PTPRJ: variants seen among roughly 807,000 people sequenced by gnomAD.
The protein encoded by PTPRJ is protein tyrosine phosphatase receptor type J, also known as receptor-type tyrosine-protein phosphatase eta.
A neutral mutation model predicts 141.3 loss-of-function variants in PTPRJ; 129 were observed. The observed-to-expected ratio is 0.91, with a 90% CI of 0.79 to 1.06. The LOEUF (loss-of-function observed/expected upper bound fraction) is 1.06. PTPRJ is among the 50% of genes least tolerant of loss of function. The pLI is 0.00. For missense variants in PTPRJ, 1,601 were observed against 1,679.7 expected, an observed-to-expected ratio of 0.95 and a Z score of 0.82; for synonymous variants, 610 against 640.5, an observed-to-expected ratio of 0.95 and a Z score of 0.72.
In PTPRJ at chr11:48,123,696, G is replaced by A. The variant is rs1285995741; in HGVS notation, c.700G>A (p.Ala234Thr). 28 of 1,614,044 alleles carry A rather than the reference G, an allele frequency of 1.7e-5. No homozygotes were observed. Among genetic ancestry groups the A allele is most frequent in the Non-Finnish European group, 2.2e-5 (26 of 1,180,022 alleles). ...CTCCTGGAGCAATGGCAATGGCACT[G>A]CCTCCTGCCGGGTTCTTCTTGAAAG... ...ALSWSNGNGTASCRVLLESIG... is the reference protein window; with the variant it reads ...ALSWSNGNGTTSCRVLLESIG... Residue 234 changes from alanine to threonine, a missense_variant, in exon 5 of 25, where the codon GCC becomes ACC. Coordinates refer to ENST00000418331, the MANE Select transcript of PTPRJ (RefSeq NM_002843.4).
intron 1 of PTPRJ, among the ~76,000 whole-genome samples, chr11:48,061,735 T>C (rs1308552503): frequency 6.6e-6 from 1 of 152,078 alleles, no homozygotes; most frequent in African/African-American, 2.4e-5. Context: ...GGCTGCCTGC[T>C]TCAGGAGGAC....
chr11:48,036,782 T>TCAGAA (rs1854135734), intron 1 of PTPRJ, among the ~76,000 whole-genome samples: 1 of 152,244 alleles, frequency 6.6e-6, no homozygotes, highest in African/African-American at 2.4e-5. Context: ...AGTTCTCCTG[T>TCAGAA]CTTTTTTACC....
chr11:48,042,239 A>C (rs767354414), intron 1 of PTPRJ, among the ~76,000 whole-genome samples: 8 of 152,142 alleles, frequency 5.3e-5, no homozygotes, highest in Non-Finnish European at 8.8e-5. Context: ...TGGTCATATG[A>C]ATTTTATTTG....
intron 1 of PTPRJ, among the ~76,000 whole-genome samples, chr11:48,029,506 C>T (rs1853924216): frequency 6.6e-6 from 1 of 152,202 alleles, no homozygotes; most frequent in African/African-American, 2.4e-5. Context: ...TTAACCTCTT[C>T]AAACCCGCAT....
chr11:47,980,909 G>T lies in PTPRJ; in HGVS notation c.-4G>T. Reference sequence around the variant, plus strand: ...TCCGGGGCACGTTCCAGGGCGCGCGGGGCATGAAGCCGGCGGCGCGGGAGG... The same window carrying T: ...TCCGGGGCACGTTCCAGGGCGCGCGTGGCATGAAGCCGGCGGCGCGGGAGG... On this transcript the variant is annotated 5_prime_UTR_variant, in exon 1 of 25. Transcript: ENST00000418331. 1.7e-6 allele frequency: 2 copies of T among 1,161,418 alleles called. No homozygotes were observed. Among genetic ancestry groups the T allele is most frequent in the Non-Finnish European group, 2.1e-6 (2 of 943,498 alleles). 71.9% of individuals were successfully genotyped at this position (1,161,418 alleles called of 1,614,324 possible).
At position 48,163,518 on chromosome 11, in the gene PTPRJ, G is replaced by C. The variant is rs1446837173; in HGVS notation, c.3619G>C (p.Gly1207Arg). 6.2e-7 allele frequency: 1 copy of C among 1,613,908 alleles called. No individual in the cohort carries two copies. Among genetic ancestry groups the C allele is most frequent in the Admixed American group, 1.7e-5 (1 of 60,014 alleles). Residue 1207 changes from glycine to arginine, a missense_variant, in exon 23 of 25, where the codon GGT becomes CGT. Physicochemically the swap from Gly to Arg is moderately radical, Grantham distance 125. Transcript: ENST00000418331. ...CCATTTCACCTCCTGGCCAGACCAC[G>C]GTGTTCCCGACACCACTGACCTGCT... ...QFHFTSWPDH[G>R]VPDTTDLLIN...
intron 3 of PTPRJ, among the ~76,000 whole-genome samples, chr11:48,115,760 G>A (rs1316241725): frequency 6.6e-6 from 1 of 152,182 alleles, no homozygotes; most frequent in Non-Finnish European, 1.5e-5. Flanking sequence ...ATAAAAAGAT[G>A]TAAATGGTGA....
intron 1 of PTPRJ, among the ~76,000 whole-genome samples, chr11:47,982,061 C>T (rs1397356289): frequency 6.6e-6 from 1 of 151,488 alleles, no homozygotes; most frequent in Non-Finnish European, 1.5e-5. Flanking sequence ...ACTTCTCCAG[C>T]GCGAATACAG....
rs1450867413 is a variant in PTPRJ at position 48,159,979 on chromosome 11, A to G, written c.3488A>G (p.Asp1163Gly). Residue 1163 changes from aspartate to glycine, a missense_variant, in exon 22 of 25, where the codon GAC (aspartate) becomes GGC (glycine). By Grantham distance (94) the Asp-to-Gly change is moderately conservative. Coordinates refer to ENST00000418331, the MANE Select transcript of PTPRJ (RefSeq NM_002843.4). The part of the protein sequence containing the change: ...WPSKQAQDYG[D>G]ITVAMTSEIV... ...TCCAAGCAGGCTCAGGACTATGGAG[A>G]CATAACTGTGGCAATGACATCAGAA... The G allele has an allele frequency of 6.2e-7, 1 of 1,613,966 alleles. No homozygotes were observed. Among genetic ancestry groups the G allele is most frequent in the South Asian group, 1.1e-5 (1 of 91,076 alleles).
intron 1 of PTPRJ, among the ~76,000 whole-genome samples, chr11:48,070,424 G>C (rs10769310): frequency 0.65 from 98,017 of 151,134 alleles, 33,813 homozygotes; most frequent in East Asian, 0.81. Flanking sequence ...CTGCTGGAAC[G>C]CAGGAGGCGG....
chr11:48,070,151 T>C (rs993129602), intron 1 of PTPRJ, among the ~76,000 whole-genome samples: 7 of 152,308 alleles, frequency 4.6e-5, no homozygotes, highest in Non-Finnish European at 7.4e-5. Flanking sequence ...ATTTAGGGGC[T>C]ACCTGTATGG....
chr11:48,058,142 C>A (rs1315485869), intron 1 of PTPRJ, among the ~76,000 whole-genome samples: 1 of 152,114 alleles, frequency 6.6e-6, no homozygotes, highest in Non-Finnish European at 1.5e-5. Context: ...CAACTACTGG[C>A]CTCAAGTGAC....
At chr11:48,000,387 C>T (rs1854463337) in intron 1 of PTPRJ, among the ~76,000 whole-genome samples, 1 of 151,910 alleles carries the variant, frequency 6.6e-6, no homozygotes, top group Non-Finnish European at 1.5e-5. Flanking sequence ...CTCAAACGAT[C>T]CTCCCGTCTT....
At position 48,139,474 on chromosome 11, in the gene PTPRJ, C is replaced by T. The variant is rs747585434; in HGVS notation, c.2153-12C>T. ...TCCCGGAATCTCATGCTGTGCTGTA[C>T]TTGCTTTGCAGATCCTGCGTCCATG... On this transcript the variant is annotated splice_polypyrimidine_tract_variant and intron_variant, in intron 10 of 24. Coordinates refer to ENST00000418331, the MANE Select transcript of PTPRJ (RefSeq NM_002843.4). 1.9e-6 allele frequency: 3 copies of T among 1,612,412 alleles called. No individual in the cohort carries two copies. The highest frequency in any genetic ancestry group is 2.2e-5 in the East Asian group (1 of 44,806).
At chr11:48,149,170 T>G (rs538777085) in intron 15 of PTPRJ, among the ~76,000 whole-genome samples, 1 of 152,342 alleles carries the variant, frequency 6.6e-6, no homozygotes, top group East Asian at 1.9e-4. Context: ...CTGCTATATA[T>G]TTGCAAGGAA....
chr11:48,132,115 C>T (rs527885962), intron 8 of PTPRJ: 2 of 985,148 alleles, frequency 2.0e-6, no homozygotes, highest in South Asian at 4.7e-5. Flanking sequence ...GTTTAAGAAC[C>T]TCTGGTCAAG....
chr11:48,148,459 C>G (rs1857403322), intron 15 of PTPRJ, among the ~76,000 whole-genome samples: 1 of 150,592 alleles, frequency 6.6e-6, no homozygotes, highest in African/African-American at 2.4e-5. Flanking sequence ...TTTTTTGAGA[C>G]AGAGTTTCGT....
intron 1 of PTPRJ, among the ~76,000 whole-genome samples, chr11:48,022,609 A>G (rs904960198): frequency 6.6e-6 from 1 of 152,026 alleles, no homozygotes; most frequent in African/African-American, 2.4e-5. Context: ...TGGGGTGCTG[A>G]TTTCACACCT....
chr11:48,170,063 T>A lies in PTPRJ; in HGVS notation c.*2701T>A, dbSNP rs1331379994. 1 of 152,094 alleles carries A rather than the reference T, an allele frequency of 6.6e-6. No homozygotes were observed. The highest frequency in any genetic ancestry group is 2.4e-5 in the African/African-American group (1 of 41,410). The allele number at this position is 152,094 out of a possible 1,614,324, so 9.4% of individuals were successfully genotyped here. A position where few individuals can be genotyped will look rare whatever the true frequency, so the allele number is the denominator to read the frequency against. On this transcript the variant is annotated 3_prime_UTR_variant, in exon 25 of 25. Coordinates refer to ENST00000418331, the MANE Select transcript of PTPRJ (RefSeq NM_002843.4). ...GAGGGTGCCTCTGAGCTTCAACCCC[T>A]CCCAGGAACAATGAGCTCAAATTGG...
Sources: gnomAD v4.1 joint callset for allele counts (sites outside exome capture counted in the v4.1 genomes callset) on GRCh38, gnomAD v4.1.1 for gene constraint, MANE v1.5 for transcripts, NCBI Gene and HGNC (gene_info 2026-07-23, HGNC 2026-07-21) for gene names.